The following ZCCHC14 variants were observed in gnomAD, a reference collection of about 807,000 sequenced individuals.
The protein encoded by ZCCHC14 is zinc finger CCHC-type containing 14.
In ZCCHC14, 16 loss-of-function variants were observed where a neutral mutation model predicts 85.0. That is an observed-to-expected ratio of 0.19 (90% CI 0.13 to 0.29). The LOEUF (loss-of-function observed/expected upper bound fraction) is 0.29. Ranked by LOEUF, ZCCHC14 falls within the 10% of genes least tolerant of loss-of-function variation. The pLI, the probability that ZCCHC14 is intolerant of heterozygous loss-of-function variation, is 1.00. For synonymous variants in ZCCHC14, 775 were observed against 630.7 expected (o/e 1.23, Z -3.43); for missense variants, 1,303 against 1,443.5 (o/e 0.90, Z 1.58).
At chr16:87,456,694 G>A (rs1430852172) in intron 2 of ZCCHC14, among the ~76,000 whole-genome samples, 2 of 151,840 alleles carry the variant, frequency 1.3e-5, no homozygotes, top group Non-Finnish European at 2.9e-5. Flanking sequence ...CAAACCCCAG[G>A]GGCACACAAT....
At position 87,408,553 on chromosome 16, in the gene ZCCHC14, A is replaced by C. The variant is rs1908302857; in HGVS notation, c.*1727T>G. The C allele has an allele frequency of 6.6e-6, 1 of 152,638 alleles. No individual in the cohort carries two copies. The highest frequency in any genetic ancestry group is 1.5e-5 in the Non-Finnish European group (1 of 68,044). 9.5% of individuals were successfully genotyped at this position (152,638 alleles called of 1,614,324 possible). A position where few individuals can be genotyped will look rare whatever the true frequency, so the allele number is the denominator to read the frequency against. On this transcript the variant is annotated 3_prime_UTR_variant, in exon 13 of 13. Coordinates refer to ENST00000671377, the MANE Select transcript of ZCCHC14 (RefSeq NM_015144.3). Reference sequence around the variant, plus strand: ...ATTCCCCTAAATAGCTGTTGTAATAAGCATCACCATTACTTCAACACTGTA... The same window carrying C: ...ATTCCCCTAAATAGCTGTTGTAATACGCATCACCATTACTTCAACACTGTA...
In ZCCHC14 at chr16:87,412,954, G is replaced by A. The variant is rs199947610; in HGVS notation, c.1767C>T (p.Ser589=). The change falls in exon 12 of 13, where the codon AGC becomes AGT. Residue 589 remains serine (S), a synonymous_variant. Transcript: ENST00000671377. ...NDRRVEIHLE[S]SDKEKPVMLL... ...GCATCACCGGCTTCTCCTTGTCAGA[G>A]CTCTCCAAGTGAATCTCCACACCTA... 6 of 1,609,016 alleles carry A rather than the reference G, an allele frequency of 3.7e-6. No individual in the cohort carries two copies. The highest frequency in any genetic ancestry group is 3.4e-5 in the Admixed American group (2 of 59,426).
rs199888628 is a variant in ZCCHC14 at position 87,411,916 on chromosome 16, G to A, written c.2805C>T (p.Gly935=). ...CGTAGCTGACAGTCAGGCCACTCGA[G>A]CCGCAGCTGCCGCTGCAGCCACAGG... is the stretch of plus-strand genomic sequence containing the variant. ...CTSCGCSGSC[G]SSGLTVSYAN... The change falls in exon 12 of 13, where the codon GGC becomes GGT. Residue 935 remains glycine (G), a synonymous_variant. Transcript: ENST00000671377. The A allele has an allele frequency of 7.5e-6, 12 of 1,597,428 alleles. No homozygotes were observed. The African/African-American group carries it at 8.0e-5, about 11-fold the overall frequency.
intron 2 of ZCCHC14, among the ~76,000 whole-genome samples, chr16:87,458,665 C>G (rs183943373): frequency 3.5e-4 from 53 of 152,230 alleles, no homozygotes; most frequent in African/African-American, 1.2e-3. Flanking sequence ...AGTTATGAAG[C>G]CTGTGGAAGG....
chr16:87,479,494 A>G (rs966822604), intron 1 of ZCCHC14, among the ~76,000 whole-genome samples: 1 of 152,176 alleles, frequency 6.6e-6, no homozygotes, highest in Non-Finnish European at 1.5e-5. Context: ...AATGTCCCAA[A>G]TAATTAGACA....
intron 2 of ZCCHC14, among the ~76,000 whole-genome samples, chr16:87,457,300 C>G (rs1253694464): frequency 1.3e-5 from 2 of 152,234 alleles, no homozygotes; most frequent in African/African-American, 4.8e-5. Flanking sequence ...ACTTTCAGTA[C>G]AGTCCCACCT....
chr16:87,460,816 A>G (rs1911222755), intron 1 of ZCCHC14, among the ~76,000 whole-genome samples: 1 of 152,250 alleles, frequency 6.6e-6, no homozygotes, highest in African/African-American at 2.4e-5. Flanking sequence ...ACACAGCAGG[A>G]CTTAACATTC....
chr16:87,434,502 G>T (rs1171194676), intron 2 of ZCCHC14, among the ~76,000 whole-genome samples: 4 of 152,266 alleles, frequency 2.6e-5, no homozygotes, highest in Non-Finnish European at 4.4e-5. Flanking sequence ...CGACGGGGAT[G>T]TCTGCTAATT....
At chr16:87,466,280 C>T (rs531211947) in intron 1 of ZCCHC14, among the ~76,000 whole-genome samples, 1 of 152,336 alleles carries the variant, frequency 6.6e-6, no homozygotes, top group Admixed American at 6.5e-5. Flanking sequence ...TTCTAAAAAT[C>T]TATTTCCTGA....
chr16:87,418,892 T>C lies in ZCCHC14; in HGVS notation c.1055A>G (p.Asn352Ser). ...GGTACCTACTTTAGAAAGGGAGGGA[T>C]TGCCAGGACCTATAAATTTAAAAAT... is the stretch of plus-strand genomic sequence containing the variant. ...PQQLQSPSPG[N>S]PSLSKVGTVM... The change falls in exon 7 of 13, where the codon AAT (asparagine) becomes AGT (serine). Residue 352 changes from asparagine to serine, a missense_variant. Transcript: ENST00000671377. The C allele has an allele frequency of 1.9e-6, 3 of 1,612,464 alleles. No homozygotes were observed. Among genetic ancestry groups the C allele is most frequent in the South Asian group, 1.1e-5 (1 of 90,924 alleles).
At chr16:87,447,487 C>A (rs1910499337) in intron 2 of ZCCHC14, among the ~76,000 whole-genome samples, 1 of 152,156 alleles carries the variant, frequency 6.6e-6, no homozygotes, top group South Asian at 2.1e-4. Context: ...TACACGGGCC[C>A]TGCTTTCATT....
At chr16:87,421,117 G>T (rs890319299) in intron 4 of ZCCHC14, among the ~76,000 whole-genome samples, 1 of 152,242 alleles carries the variant, frequency 6.6e-6, no homozygotes, top group African/African-American at 2.4e-5. Context: ...GGCTGACGTG[G>T]CCAACAGAAA....
chr16:87,457,991 C>T (rs1030260220), intron 2 of ZCCHC14, among the ~76,000 whole-genome samples: 9 of 152,092 alleles, frequency 5.9e-5, no homozygotes, highest in African/African-American at 1.2e-4. Context: ...CGCCAGCCTA[C>T]GCAGGCTTTG....
At chr16:87,434,378 G>A (rs1179792343) in intron 2 of ZCCHC14, among the ~76,000 whole-genome samples, 1 of 152,040 alleles carries the variant, frequency 6.6e-6, no homozygotes, top group East Asian at 1.9e-4. Context: ...ACACTTCCCA[G>A]GCGCCAGGAG....
chr16:87,468,715 C>G (rs1175017728), intron 1 of ZCCHC14, among the ~76,000 whole-genome samples: 5 of 152,238 alleles, frequency 3.3e-5, no homozygotes, highest in Admixed American at 2.6e-4. Context: ...CTGGCCACAG[C>G]TGAAAACATT....
At chr16:87,438,596 T>A (rs556761596) in intron 2 of ZCCHC14, among the ~76,000 whole-genome samples, 99 of 152,350 alleles carry the variant, frequency 6.5e-4, no homozygotes, top group Non-Finnish European at 1.1e-3. Context: ...GATAGTAGCT[T>A]AAAAGGGCCA....
At chr16:87,481,751 G>A (rs1431999566) in intron 1 of ZCCHC14, among the ~76,000 whole-genome samples, 1 of 152,168 alleles carries the variant, frequency 6.6e-6, no homozygotes, top group East Asian at 1.9e-4. Context: ...GCCTCTGGCT[G>A]GAAGGGATTA....
Position 87,428,835 on chromosome 16 carries a change from C to T in ZCCHC14, c.768+4293G>A, listed in dbSNP as rs527736154. The stretch of plus-strand genomic sequence containing the variant: ...GTCGTCTAGTTTCTTTCACACAACA[C>T]GAGATTCGTGCATATGGCTGAGTAT... On this transcript the variant is annotated intron_variant, in intron 3 of 12. Transcript: ENST00000671377. Among the ~76,000 whole-genome samples, 237 of 152,348 alleles carry T rather than the reference C, an allele frequency of 1.6e-3. 1 individual carries two copies. Among genetic ancestry groups the T allele is most frequent in the Non-Finnish European group, 2.4e-3 (165 of 68,034 alleles).
At chr16:87,489,511 T>A (rs1912656315) in intron 1 of ZCCHC14, among the ~76,000 whole-genome samples, 1 of 152,244 alleles carries the variant, frequency 6.6e-6, no homozygotes, top group Admixed American at 6.5e-5. Context: ...CAGCATTTAC[T>A]GCACCTCTGC....
Sources: gnomAD v4.1 joint callset for allele counts (sites outside exome capture counted in the v4.1 genomes callset) on GRCh38, gnomAD v4.1.1 for gene constraint, MANE v1.5 for transcripts, NCBI Gene and HGNC (gene_info 2026-07-23, HGNC 2026-07-21) for gene names.